The following BCL2L1 variants were observed in gnomAD, a reference collection of about 807,000 sequenced individuals.
BCL2L1 encodes the protein bcl-2-like protein 1.
BCL2L1 carries 1 observed loss-of-function variant against 18.7 expected under a neutral mutation model. The observed-to-expected ratio is 0.05, with a 90% CI of 0.02 to 0.25. The LOEUF is 0.25. Ranked by LOEUF, BCL2L1 falls within the 10% of genes least tolerant of loss-of-function variation. BCL2L1 has a pLI of 1.00. For synonymous variants in BCL2L1, 103 were observed against 122.7 expected, an observed-to-expected ratio of 0.84 and a Z score of 1.06; for missense variants, 207 against 304.9, an observed-to-expected ratio of 0.68 and a Z score of 2.39.
At chr20:31,709,634 C>A (rs1263124884) in intron 2 of BCL2L1, among the ~76,000 whole-genome samples, 1 of 151,666 alleles carries the variant, frequency 6.6e-6, no homozygotes, top group Non-Finnish European at 1.5e-5. Flanking sequence ...GAGATCGAGA[C>A]CATCCTGGCT....
intron 2 of BCL2L1, among the ~76,000 whole-genome samples, chr20:31,718,462 C>A (rs1487866109): frequency 6.6e-6 from 1 of 152,048 alleles, no homozygotes; most frequent in Non-Finnish European, 1.5e-5. Flanking sequence ...TTGAAACCAG[C>A]TTGACCAACA....
intron 2 of BCL2L1, among the ~76,000 whole-genome samples, chr20:31,699,035 G>A (rs560896589): frequency 6.6e-6 from 1 of 152,304 alleles, no homozygotes; most frequent in African/African-American, 2.4e-5. Flanking sequence ...CTCGGACTTA[G>A]GCAAAGGAGA....
chr20:31,723,299 C>T, upstream of BCL2L1: 2 of 985,818 alleles, frequency 2.0e-6, no homozygotes, highest in Non-Finnish European at 2.4e-6. Context: ...CAATGGCCGC[C>T]GGCGCCCTGC....
intron 2 of BCL2L1, among the ~76,000 whole-genome samples, chr20:31,699,914 T>A (rs948313402): frequency 2.0e-5 from 3 of 152,154 alleles, no homozygotes; most frequent in Admixed American, 2.0e-4. Flanking sequence ...CAGAGGAGAT[T>A]TGAAAGATCA....
chr20:31,671,017 G>T (rs367646563), intron 2 of BCL2L1, among the ~76,000 whole-genome samples: 62 of 152,252 alleles, frequency 4.1e-4, no homozygotes, highest in African/African-American at 1.4e-3. Context: ...GTTGTAGGGA[G>T]GTCTCTGATG....
At chr20:31,697,530 C>T (rs184488694) in intron 2 of BCL2L1, among the ~76,000 whole-genome samples, 41 of 151,962 alleles carry the variant, frequency 2.7e-4, no homozygotes, top group African/African-American at 8.9e-4. Flanking sequence ...CTCCACCTCC[C>T]GGGTTCATGC....
intron 2 of BCL2L1, among the ~76,000 whole-genome samples, chr20:31,693,726 TG>T (rs1423219726): frequency 1.3e-5 from 2 of 151,798 alleles, no homozygotes; most frequent in Non-Finnish European, 2.9e-5. Context: ...GTAGAGATGG[TG>T]GTCTCACTAT....
rs2060711414 is a variant in BCL2L1, at chr20:31,673,690, T to A, written c.565-7604A>T. 2.0e-5 allele frequency among the ~76,000 whole-genome samples: 3 copies of A among 152,078 alleles called. 1 individual carries two copies. In the South Asian group the frequency reaches 6.2e-4, roughly 32 times the overall value. On this transcript the variant is annotated intron_variant, in intron 2 of 2. Coordinates refer to ENST00000307677, the MANE Select transcript of BCL2L1 (RefSeq NM_138578.3). Reference sequence around the variant, plus strand: ...TAAAAGCAAAGAAACAAAAAACTATTATTATGACAGCTGACCATTACCAAA... The same window carrying A: ...TAAAAGCAAAGAAACAAAAAACTATAATTATGACAGCTGACCATTACCAAA...
Position 31,665,015 on chromosome 20 carries a change from G to A in BCL2L1, c.*934C>T, listed in dbSNP as rs3208682. The A allele has an allele frequency of 5.1e-6, 1 of 194,326 alleles. No homozygotes were observed. The highest frequency in any genetic ancestry group is 1.1e-5 in the Non-Finnish European group (1 of 92,910). 12.0% of individuals were successfully genotyped at this position (194,326 alleles called of 1,614,324 possible). ...TCCTGCCTGAGGTAGGGAAGACCCTGGGGCTCCCATAGCTGTTCCTGATAG... is the reference window on the plus strand; with the variant it reads ...TCCTGCCTGAGGTAGGGAAGACCCTAGGGCTCCCATAGCTGTTCCTGATAG... On this transcript the variant is annotated 3_prime_UTR_variant, in exon 3 of 3. Coordinates refer to ENST00000307677, the MANE Select transcript of BCL2L1 (RefSeq NM_138578.3).
At chr20:31,668,159 C>A (rs76562100) in intron 2 of BCL2L1, among the ~76,000 whole-genome samples, 7,971 of 152,114 alleles carry the variant, frequency 0.052, 260 homozygotes, top group Middle Eastern at 0.11. Flanking sequence ...GCCTGGAGCA[C>A]CTGACCCCAG....
chr20:31,689,389 G>A (rs968326554), intron 2 of BCL2L1, among the ~76,000 whole-genome samples: 3 of 135,956 alleles, frequency 2.2e-5, no homozygotes, highest in Non-Finnish European at 3.2e-5. Flanking sequence ...CCAGGAGTTC[G>A]AAACCAGCCT....
chr20:31,695,411 T>C (rs1362951019), intron 2 of BCL2L1, among the ~76,000 whole-genome samples: 2 of 152,266 alleles, frequency 1.3e-5, no homozygotes, highest in Non-Finnish European at 2.9e-5. Flanking sequence ...ACTCTGGCCA[T>C]ACTGGCCAAC....
intron 2 of BCL2L1, among the ~76,000 whole-genome samples, chr20:31,672,754 G>A (rs1445732832): frequency 6.6e-6 from 1 of 152,252 alleles, no homozygotes; most frequent in African/African-American, 2.4e-5. Flanking sequence ...ATGATGCCCT[G>A]AGGAAAGGGG....
chr20:31,707,143 A>T (rs868009088), intron 2 of BCL2L1, among the ~76,000 whole-genome samples: 1 of 152,222 alleles, frequency 6.6e-6, no homozygotes, highest in African/African-American at 2.4e-5. Flanking sequence ...CCAAACGCCT[A>T]GTCAACAACA....
intron 2 of BCL2L1, among the ~76,000 whole-genome samples, chr20:31,687,316 C>T (rs2060974580): frequency 6.6e-6 from 1 of 151,952 alleles, no homozygotes; most frequent in South Asian, 2.1e-4. Flanking sequence ...ACACTGAGAA[C>T]CAGTGACTTG....
intron 2 of BCL2L1, among the ~76,000 whole-genome samples, chr20:31,693,675 C>T (rs1394870955): frequency 6.6e-6 from 1 of 152,112 alleles, no homozygotes; most frequent in Non-Finnish European, 1.5e-5. Context: ...GAGTTATAGG[C>T]GTGCACCACC....
chr20:31,721,185 G>T (rs1444082827), intron 2 of BCL2L1, among the ~76,000 whole-genome samples: 1 of 152,222 alleles, frequency 6.6e-6, no homozygotes, highest in Non-Finnish European at 1.5e-5. Context: ...ACTTGATTTG[G>T]GGGAGAGAAG....
chr20:31,703,421 C>T (rs2061315678), intron 2 of BCL2L1, among the ~76,000 whole-genome samples: 1 of 151,786 alleles, frequency 6.6e-6, no homozygotes, highest in Non-Finnish European at 1.5e-5. Flanking sequence ...TCAGGTGATC[C>T]ACCTGCTTTG....
At chr20:31,714,304 AG>A (rs1199354352) in intron 2 of BCL2L1, among the ~76,000 whole-genome samples, 1 of 152,186 alleles carries the variant, frequency 6.6e-6, no homozygotes, top group Non-Finnish European at 1.5e-5. Flanking sequence ...GGTGAGACTG[AG>A]AGTAGAACTG....
Sources: gnomAD v4.1 joint callset for allele counts (sites outside exome capture counted in the v4.1 genomes callset) on GRCh38, gnomAD v4.1.1 for gene constraint, MANE v1.5 for transcripts, NCBI Gene and HGNC (gene_info 2026-07-23, HGNC 2026-07-21) for gene names.